The following S100Z variants were observed in gnomAD, a reference collection of about 807,000 sequenced individuals.
S100Z encodes the protein protein S100-Z.
Under a neutral mutation model 8.5 loss-of-function variants are expected in S100Z, and 11 were observed. The observed-to-expected ratio is 1.30, with a 90% confidence interval of 0.82 to 2.15. The LOEUF (loss-of-function observed/expected upper bound fraction) is 2.15. Among genes scored for constraint, S100Z ranks in the 30% most tolerant of loss-of-function variants. The pLI, the probability that S100Z is intolerant of heterozygous loss-of-function variation, is 0.00. For synonymous variants in S100Z, 34 were observed against 43.8 expected (o/e 0.78, Z 0.89); for missense variants, 126 against 117.9 (o/e 1.07, Z -0.32).
At chr5:76,924,086 G>C (rs1432481892), downstream of S100Z, among the ~76,000 whole-genome samples, 1 of 152,170 alleles carries the variant, frequency 6.6e-6, no homozygotes, top group African/African-American at 2.4e-5. Context: ...TCATATCTCA[G>C]AGGAAGAGAT....
chr5:76,901,033 G>A (rs1174840498), intron 4 of S100Z, among the ~76,000 whole-genome samples: 1 of 152,208 alleles, frequency 6.6e-6, no homozygotes, highest in Non-Finnish European at 1.5e-5. Context: ...TGGATTACCA[G>A]ACAGAGACTC....
the S100Z span, among the ~76,000 whole-genome samples, chr5:76,940,472 G>T: frequency 6.6e-6 from 1 of 151,992 alleles, no homozygotes; most frequent in South Asian, 2.1e-4. Context: ...GAGTGCAGCG[G>T]CACGATCTCA....
intron 1 of S100Z, among the ~76,000 whole-genome samples, chr5:76,861,327 C>T (rs1163853046): frequency 2.1e-5 from 3 of 145,358 alleles, no homozygotes; most frequent in East Asian, 2.0e-4. Flanking sequence ...CAAGAGGAAG[C>T]GAGGCAAAAG....
In S100Z at chr5:76,883,639, G is replaced by A. The variant is rs187308048; in HGVS notation, c.*2+5805G>A. On this transcript the variant is annotated intron_variant, in intron 4 of 4. Transcript: ENST00000317593. Reference sequence around the variant, plus strand: ...GGGGCTTCCGAGGTGATCAGGCAGCGTCAGTCTTTAGCCACTAAGCTGAGA... The same window carrying A: ...GGGGCTTCCGAGGTGATCAGGCAGCATCAGTCTTTAGCCACTAAGCTGAGA... Among the ~76,000 whole-genome samples, 493 of 152,306 alleles carry A rather than the reference G, an allele frequency of 3.2e-3. 2 individuals are homozygous for A. The highest frequency in any genetic ancestry group is 0.01 in the African/African-American group (416 of 41,556).
chr5:76,910,633 A>G (rs550319883), intron 4 of S100Z, among the ~76,000 whole-genome samples: 3 of 152,270 alleles, frequency 2.0e-5, no homozygotes, highest in Admixed American at 6.5e-5. Context: ...GCCCCAGAGG[A>G]CAAAGGTTCT....
the S100Z span, among the ~76,000 whole-genome samples, chr5:76,947,078 A>G: frequency 6.6e-6 from 1 of 152,204 alleles, no homozygotes; most frequent in Non-Finnish European, 1.5e-5. Context: ...TAACATGTAA[A>G]ACTTAGAATT....
chr5:76,855,109 T>C (rs1750846527), intron 1 of S100Z, among the ~76,000 whole-genome samples: 1 of 152,156 alleles, frequency 6.6e-6, no homozygotes, highest in Admixed American at 6.6e-5. Flanking sequence ...AAAGGATGTA[T>C]GGCAAAGCCT....
chr5:76,896,378 T>TC (rs1744039256), intron 4 of S100Z, among the ~76,000 whole-genome samples: 1 of 152,242 alleles, frequency 6.6e-6, no homozygotes, highest in African/African-American at 2.4e-5. Flanking sequence ...TCATTCTTTT[T>TC]CATGGTTGAA....
At chr5:76,896,123 T>C (rs981077619) in intron 4 of S100Z, among the ~76,000 whole-genome samples, 2 of 152,112 alleles carry the variant, frequency 1.3e-5, no homozygotes, top group African/African-American at 4.8e-5. Context: ...TAGCAGGTCT[T>C]ATTCATTCCT....
chr5:76,908,420 C>T (rs1263387202), intron 4 of S100Z, among the ~76,000 whole-genome samples: 3 of 152,212 alleles, frequency 2.0e-5, no homozygotes, highest in Admixed American at 2.0e-4. Context: ...CTTCCTCTCA[C>T]TTCTCTTCTC....
In S100Z at chr5:76,875,494, C is replaced by A; in HGVS notation, c.135C>A (p.Phe45Leu). The change falls in exon 3 of 5, where the codon TTC becomes TTA. Residue 45 changes from phenylalanine to leucine, a missense_variant. Transcript: ENST00000317593. ...KLLLQRELTE[F>L]LSCQKETQLV... ...TCCTGCAGCGAGAGCTCACGGAATT[C>A]CTCTCGGTGAGTCAGGCCTTTGTAA... 3.1e-6 allele frequency: 5 copies of A among 1,607,716 alleles called. No individual in the cohort carries two copies. The highest frequency in any genetic ancestry group is 4.2e-6 in the Non-Finnish European group (5 of 1,177,550).
chr5:76,872,743 G>A (rs1042853637), intron 2 of S100Z, among the ~76,000 whole-genome samples: 5 of 152,192 alleles, frequency 3.3e-5, no homozygotes, highest in African/African-American at 4.8e-5. Context: ...GGCGGATTGC[G>A]TGAGCTCAGG....
chr5:76,899,399 T>G (rs541433276), intron 4 of S100Z, among the ~76,000 whole-genome samples: 42 of 152,262 alleles, frequency 2.8e-4, no homozygotes, highest in African/African-American at 7.9e-4. Context: ...TTTTTTTTTT[T>G]TTGGTTTTTG....
intron 4 of S100Z, among the ~76,000 whole-genome samples, chr5:76,905,066 C>A (rs930490422): frequency 1.3e-5 from 2 of 152,102 alleles, no homozygotes; most frequent in African/African-American, 2.4e-5. Flanking sequence ...TGCTGCTGGC[C>A]TCTAGTGGGT....
intron 4 of S100Z, among the ~76,000 whole-genome samples, chr5:76,880,412 G>T (rs945448465): frequency 4.6e-5 from 7 of 152,116 alleles, no homozygotes; most frequent in Admixed American, 3.9e-4. Context: ...TTTGGGGGTG[G>T]TATGGAGAGA....
At chr5:76,911,153 C>T (rs192766326) in intron 4 of S100Z, among the ~76,000 whole-genome samples, 2,337 of 152,264 alleles carry the variant, frequency 0.015, 65 homozygotes, top group African/African-American at 0.052. Context: ...CACCACTTTT[C>T]CTTATCAAAG....
At chr5:76,908,942 G>T (rs1744550717) in intron 4 of S100Z, among the ~76,000 whole-genome samples, 1 of 152,034 alleles carries the variant, frequency 6.6e-6, no homozygotes, top group African/African-American at 2.4e-5. Context: ...ACAGGCAAGT[G>T]TGCAGATTTT....
At chr5:76,951,010 T>C in the S100Z span, among the ~76,000 whole-genome samples, 4 of 151,626 alleles carry the variant, frequency 2.6e-5, no homozygotes, top group East Asian at 1.9e-4. Flanking sequence ...AGTTTCCATC[T>C]TTTAATTACC....
chr5:76,910,921 C>A (rs1744630636), intron 4 of S100Z, among the ~76,000 whole-genome samples: 2 of 152,214 alleles, frequency 1.3e-5, no homozygotes, highest in South Asian at 4.1e-4. Flanking sequence ...AGACTTTGCT[C>A]TTTTCACATG....
Sources: gnomAD v4.1 joint callset for allele counts (sites outside exome capture counted in the v4.1 genomes callset) on GRCh38, gnomAD v4.1.1 for gene constraint, MANE v1.5 for transcripts, NCBI Gene and HGNC (gene_info 2026-07-23, HGNC 2026-07-21) for gene names.